Variants in ZGPAT observed in about 807,000 individuals in gnomAD.
ZGPAT encodes the protein zinc finger CCCH-type and G-patch domain containing, also known as zinc finger CCCH-type with G patch domain-containing protein.
In ZGPAT, 39 loss-of-function variants were observed where a neutral mutation model predicts 47.9. That is an observed-to-expected ratio of 0.81 (90% CI 0.63 to 1.06). The LOEUF (loss-of-function observed/expected upper bound fraction) is 1.06, where lower values mean the gene tolerates loss of function less well. ZGPAT is among the 50% of genes least tolerant of loss of function. The pLI is 0.00. For missense variants in ZGPAT, 717 were observed against 681.4 expected, an observed-to-expected ratio of 1.05 and a Z score of -0.58; for synonymous variants, 348 against 292.9, an observed-to-expected ratio of 1.19 and a Z score of -1.92.
intron 2 of ZGPAT, among the ~76,000 whole-genome samples, chr20:63,727,949 TG>T (rs1470676492): frequency 1.3e-5 from 2 of 152,180 alleles, no homozygotes; most frequent in African/African-American, 4.8e-5. Context: ...GTGTTCTGTT[TG>T]TTTTAGTTAA....
chr20:63,713,998 T>C (rs2091699701), intron 2 of ZGPAT, among the ~76,000 whole-genome samples: 1 of 152,164 alleles, frequency 6.6e-6, no homozygotes, highest in Admixed American at 6.6e-5. Flanking sequence ...TACAATCATA[T>C]ATATTCAATA....
chr20:63,712,647 G>A (rs1449664203), intron 2 of ZGPAT, among the ~76,000 whole-genome samples: 17 of 152,186 alleles, frequency 1.1e-4, no homozygotes, highest in Admixed American at 6.5e-4. Flanking sequence ...TGTAATCCCA[G>A]TACTTTGGGA....
rs1179063794 is a variant in ZGPAT at position 63,711,021 on chromosome 20, T to C, written c.584+1857T>C. On this transcript the variant is annotated intron_variant, in intron 2 of 6. Transcript: ENST00000355969. ...CTAGTTCTAGTTCTAGTTCTTTGAA[T>C]GTCTTCCTTTTTTTTTTTTTTTTGA... Among the ~76,000 whole-genome samples, 3 of 150,038 alleles carry C rather than the reference T, an allele frequency of 2.0e-5. No homozygotes were observed. In the Admixed American group the frequency reaches 2.0e-4, roughly 10 times the overall value.
At chr20:63,711,500 A>G (rs1179306466) in intron 2 of ZGPAT, among the ~76,000 whole-genome samples, 4 of 151,920 alleles carry the variant, frequency 2.6e-5, no homozygotes. Context: ...GCTGCTTGCC[A>G]TGTCGGCATC....
intron 2 of ZGPAT, among the ~76,000 whole-genome samples, chr20:63,724,983 T>TC (rs2091829023): frequency 7.0e-6 from 1 of 141,926 alleles, no homozygotes; most frequent in Admixed American, 7.1e-5. Context: ...ATTTAGAATT[T>TC]CTTTTTTTTT....
chr20:63,714,937 C>A (rs1030643960), intron 2 of ZGPAT, among the ~76,000 whole-genome samples: 2 of 151,960 alleles, frequency 1.3e-5, no homozygotes, highest in Non-Finnish European at 2.9e-5. Flanking sequence ...CACTGCACTG[C>A]ACCCAGCTGT....
At chr20:63,714,288 A>G (rs553071750) in intron 2 of ZGPAT, among the ~76,000 whole-genome samples, 1 of 151,720 alleles carries the variant, frequency 6.6e-6, no homozygotes, top group South Asian at 2.1e-4. Flanking sequence ...TAGCTGGGTG[A>G]GGTGATGTGC....
At chr20:63,718,625 A>T (rs563581229) in intron 2 of ZGPAT, among the ~76,000 whole-genome samples, 12 of 145,254 alleles carry the variant, frequency 8.3e-5, no homozygotes, top group African/African-American at 3.0e-4. Context: ...CCAGCCCCCA[A>T]TTTTTTTTTT....
At chr20:63,728,037 C>CTTTTT (rs11483917) in intron 2 of ZGPAT, among the ~76,000 whole-genome samples, 1 of 133,316 alleles carries the variant, frequency 7.5e-6, no homozygotes, top group Non-Finnish European at 1.6e-5. Context: ...TTTTTAAATT[C>CTTTTT]TTTTTTTTTT....
chr20:63,735,181 C>G lies in ZGPAT; in HGVS notation c.1014C>G (p.Gly338=), dbSNP rs1186563939. 4 of 1,523,908 alleles carry G rather than the reference C, an allele frequency of 2.6e-6. No individual in the cohort carries two copies. Among genetic ancestry groups the G allele is most frequent in the Non-Finnish European group, 3.5e-6 (4 of 1,135,810 alleles). The allele number at this position is 1,523,908 out of a possible 1,614,324, so 94.4% of individuals were successfully genotyped here. A position where few individuals can be genotyped will look rare whatever the true frequency, so the allele number is the denominator to read the frequency against. Residue 338 remains glycine, a synonymous_variant, in exon 6 of 7, where the codon GGC becomes GGG. Coordinates refer to ENST00000355969, the MANE Select transcript of ZGPAT (RefSeq NM_181485.3). ...CAGGTTTGGGCCGACACGCGGAAGG[C>G]CGGGTGGAGCCCATCCATGCTGTGG... The part of the protein sequence containing the change: ...FGKGLGRHAE[G]RVEPIHAVVL...
At chr20:63,711,882 G>A (rs941009633) in intron 2 of ZGPAT, among the ~76,000 whole-genome samples, 2 of 152,154 alleles carry the variant, frequency 1.3e-5, no homozygotes, top group African/African-American at 2.4e-5. Flanking sequence ...ACCACACCCG[G>A]CCCAGGATTT....
chr20:63,732,728 G>A (rs1466689589), intron 2 of ZGPAT, among the ~76,000 whole-genome samples: 1 of 148,732 alleles, frequency 6.7e-6, no homozygotes, highest in Non-Finnish European at 1.5e-5. Flanking sequence ...ATGTGTATAT[G>A]TGTATGTCTG....
At chr20:63,734,518 A>G (rs961472073) in intron 4 of ZGPAT, 187 bp from the exon 5 acceptor site, 2 of 1,142,490 alleles carry the variant, frequency 1.8e-6, no homozygotes, top group African/African-American at 2.0e-5. Flanking sequence ...CGGTGACGAG[A>G]GCACGGAGCC....
At chr20:63,717,498 T>C (rs2091743235) in intron 2 of ZGPAT, among the ~76,000 whole-genome samples, 1 of 152,134 alleles carries the variant, frequency 6.6e-6, no homozygotes, top group South Asian at 2.1e-4. Context: ...AAGGTGTTTC[T>C]TTTTGAATGT....
chr20:63,710,777 A>G (rs1248122165), intron 2 of ZGPAT, among the ~76,000 whole-genome samples: 2 of 152,218 alleles, frequency 1.3e-5, no homozygotes, highest in Non-Finnish European at 2.9e-5. Context: ...TGAGGACAAA[A>G]AAGAGTAACT....
chr20:63,723,534 T>C (rs1199351082), intron 2 of ZGPAT, among the ~76,000 whole-genome samples: 29 of 74,682 alleles, frequency 3.9e-4, no homozygotes, highest in South Asian at 6.7e-4. Flanking sequence ...TCCTCTGACA[T>C]AGCTCCATCC....
Position 63,735,410 on chromosome 20 carries a change from G to C in ZGPAT, c.1243G>C (p.Ala415Pro). Reference protein sequence around the residue: ...QAPGALEAGAAPAGRRSKDMY... With the variant: ...QAPGALEAGAPPAGRRSKDMY... ...TCCTGGGGCCCTAGAAGCCGGGGCGGCCCCAGCGGGGAGGAGGAGCAAGGA... is the reference window on the plus strand; with the variant it reads ...TCCTGGGGCCCTAGAAGCCGGGGCGCCCCCAGCGGGGAGGAGGAGCAAGGA... The change falls in exon 6 of 7, where the codon GCC becomes CCC. Residue 415 changes from alanine to proline, a missense_variant. Ala to Pro is a conservative substitution (Grantham distance 27). Transcript: ENST00000355969. The C allele has an allele frequency of 6.4e-7, 1 of 1,566,658 alleles. No individual in the cohort carries two copies. The highest frequency in any genetic ancestry group is 8.6e-7 in the Non-Finnish European group (1 of 1,159,278).
At chr20:63,713,388 G>A (rs1031377719) in intron 2 of ZGPAT, among the ~76,000 whole-genome samples, 13 of 151,694 alleles carry the variant, frequency 8.6e-5, no homozygotes, top group African/African-American at 1.9e-4. Context: ...CTGCCACCAC[G>A]CCCAGCTAAT....
intron 2 of ZGPAT, among the ~76,000 whole-genome samples, chr20:63,731,719 T>TTG (rs35923657): frequency 5.9e-4 from 77 of 130,416 alleles, no homozygotes; most frequent in African/African-American, 2.1e-3. Flanking sequence ...GTGTGTGAGA[T>TTG]TGTGTGTGCA....
Sources: allele counts gnomAD v4.1 joint callset (sites outside exome capture counted in the v4.1 genomes callset), GRCh38; gene constraint gnomAD v4.1.1; transcripts MANE v1.5; gene names NCBI Gene and HGNC (gene_info 2026-07-23, HGNC 2026-07-21).